SGCZ: variants seen among roughly 807,000 people sequenced by gnomAD.
The protein encoded by SGCZ is zeta-sarcoglycan.
A neutral mutation model predicts 41.3 loss-of-function variants in SGCZ; 40 were observed. The ratio of observed to expected loss-of-function variants is 0.97; its 90% CI spans 0.75 to 1.26. The LOEUF (loss-of-function observed/expected upper bound fraction) is 1.26, where lower values mean the gene tolerates loss of function less well. Ranked by LOEUF, SGCZ falls within the 50% of genes most tolerant of loss-of-function variation. SGCZ has a pLI of 0.00. For synonymous variants in SGCZ, 206 were observed against 137.5 expected, an observed-to-expected ratio of 1.50 and a Z score of -3.49; for missense variants, 552 against 369.8, an observed-to-expected ratio of 1.49 and a Z score of -4.04.
At chr8:14,178,548 T>C (rs940583771) in intron 4 of SGCZ, among the ~76,000 whole-genome samples, 13 of 152,174 alleles carry the variant, frequency 8.5e-5, no homozygotes, top group African/African-American at 2.9e-4. Flanking sequence ...CTATTGGATG[T>C]TTGTCTGTTG....
chr8:14,370,460 A>C (rs1449748810), intron 2 of SGCZ, among the ~76,000 whole-genome samples: 1 of 152,012 alleles, frequency 6.6e-6, no homozygotes, highest in Non-Finnish European at 1.5e-5. Flanking sequence ...CAAATTGGTT[A>C]TATGAAATTG....
At chr8:14,485,362 G>C (rs193292310) in intron 2 of SGCZ, among the ~76,000 whole-genome samples, 61 of 152,156 alleles carry the variant, frequency 4.0e-4, no homozygotes, top group African/African-American at 1.5e-3. Flanking sequence ...TCAGCCTCCC[G>C]AGTAGCTGGG....
chr8:14,540,368 G>C (rs1420671991), intron 2 of SGCZ, among the ~76,000 whole-genome samples: 1 of 148,992 alleles, frequency 6.7e-6, no homozygotes, highest in East Asian at 2.0e-4. Context: ...TTTTATGGCT[G>C]AATATTACCT....
intron 1 of SGCZ, among the ~76,000 whole-genome samples, chr8:14,655,502 T>C (rs944026619): frequency 6.6e-6 from 1 of 152,130 alleles, no homozygotes; most frequent in Non-Finnish European, 1.5e-5. Context: ...TTATGAAAAA[T>C]TCAACTTTGG....
chr8:14,811,410 T>C (rs184521821), intron 1 of SGCZ, among the ~76,000 whole-genome samples: 1 of 150,808 alleles, frequency 6.6e-6, no homozygotes, highest in Non-Finnish European at 1.5e-5. Flanking sequence ...GCTTTGTTTA[T>C]AGATGAAAAA....
chr8:15,193,069 G>C (rs746567501), intron 1 of SGCZ, among the ~76,000 whole-genome samples: 1 of 152,024 alleles, frequency 6.6e-6, no homozygotes, highest in African/African-American at 2.4e-5. Context: ...GTGGAAATGA[G>C]GGTATAGTTG....
intron 1 of SGCZ, among the ~76,000 whole-genome samples, chr8:14,858,605 G>A (rs961679635): frequency 2.6e-5 from 4 of 152,128 alleles, no homozygotes; most frequent in Non-Finnish European, 5.9e-5. Flanking sequence ...TTTAAGATTA[G>A]TTGCAATGTG....
intron 4 of SGCZ, among the ~76,000 whole-genome samples, chr8:14,204,109 A>T (rs551390253): frequency 6.6e-6 from 1 of 152,104 alleles, no homozygotes; most frequent in Admixed American, 6.6e-5. Flanking sequence ...TGAATCTGGG[A>T]TTGGTTTCGG....
At chr8:14,547,030 A>G (rs898779633) in intron 2 of SGCZ, among the ~76,000 whole-genome samples, 2 of 152,126 alleles carry the variant, frequency 1.3e-5, no homozygotes, top group African/African-American at 2.4e-5. Context: ...TGCTGGAAAA[A>G]AAAAAGTACC....
At chr8:14,585,496 A>G (rs1805027734) in intron 1 of SGCZ, among the ~76,000 whole-genome samples, 1 of 152,118 alleles carries the variant, frequency 6.6e-6, no homozygotes, top group African/African-American at 2.4e-5. Flanking sequence ...TGAATATGGT[A>G]TTTCTCCAAA....
intron 1 of SGCZ, among the ~76,000 whole-genome samples, chr8:15,046,105 C>A (rs1804291753): frequency 6.6e-6 from 1 of 152,026 alleles, no homozygotes; most frequent in Admixed American, 6.6e-5. Flanking sequence ...TGCCTTCAGA[C>A]TGATTTCCAT....
rs1704902014 is a variant in SGCZ at position 14,866,795 on chromosome 8, A to G, written c.40-311869T>C. The stretch of plus-strand genomic sequence containing the variant: ...GAAAACACACGGAGACCCTGTCTCA[A>G]AAAGAAACTAAAAGAAAAAAAAGGT... On this transcript the variant is annotated intron_variant, in intron 1 of 7. Coordinates refer to ENST00000382080, the MANE Select transcript of SGCZ (RefSeq NM_139167.4). 2.0e-5 allele frequency among the ~76,000 whole-genome samples: 3 copies of G among 152,122 alleles called. 1 individual carries two copies. The South Asian group carries it at 6.2e-4, about 31-fold the overall frequency.
At chr8:14,622,067 G>A (rs1172228835) in intron 1 of SGCZ, among the ~76,000 whole-genome samples, 3 of 152,060 alleles carry the variant, frequency 2.0e-5, no homozygotes, top group Admixed American at 6.6e-5. Context: ...ACTAGATGAG[G>A]TCATCAGATA....
intron 1 of SGCZ, among the ~76,000 whole-genome samples, chr8:14,569,492 A>C (rs1563121762): frequency 1.3e-5 from 2 of 152,198 alleles, no homozygotes; most frequent in Non-Finnish European, 2.9e-5. Context: ...TTATGTATTA[A>C]ACAAAAATTA....
chr8:15,167,312 G>A (rs1431667803), intron 1 of SGCZ, among the ~76,000 whole-genome samples: 1 of 152,226 alleles, frequency 6.6e-6, no homozygotes, highest in Non-Finnish European at 1.5e-5. Flanking sequence ...GACTTGCAGA[G>A]CCGAGAAAAG....
chr8:14,478,762 T>A (rs981005926), intron 2 of SGCZ, among the ~76,000 whole-genome samples: 3 of 152,246 alleles, frequency 2.0e-5, no homozygotes, highest in Non-Finnish European at 4.4e-5. Context: ...CTCCATTCAC[T>A]ATCACGCTTT....
intron 1 of SGCZ, among the ~76,000 whole-genome samples, chr8:15,121,073 G>A (rs188261565): frequency 9.9e-5 from 15 of 152,160 alleles, no homozygotes; most frequent in East Asian, 1.9e-4. Context: ...TTTTCTTTGC[G>A]TTGCCACAAT....
chr8:14,577,496 C>T (rs1804748434), intron 1 of SGCZ, among the ~76,000 whole-genome samples: 1 of 145,866 alleles, frequency 6.9e-6, no homozygotes, highest in Non-Finnish European at 1.5e-5. Context: ...TCAAGCAATT[C>T]TCCTGTCTCA....
At chr8:15,066,283 CCGGCCTGGGCG>C (rs1805141570) in intron 1 of SGCZ, among the ~76,000 whole-genome samples, 1 of 147,104 alleles carries the variant, frequency 6.8e-6, no homozygotes, top group East Asian at 2.0e-4. Context: ...AGTCCGCAGT[CCGGCCTGGGCG>C]ACAGAGCGAG....
Sources: allele counts gnomAD v4.1 joint callset (sites outside exome capture counted in the v4.1 genomes callset), GRCh38; gene constraint gnomAD v4.1.1; transcripts MANE v1.5; gene names NCBI Gene and HGNC (gene_info 2026-07-23, HGNC 2026-07-21).